Variants in MGAT5 observed in about 807,000 individuals in gnomAD.
The protein encoded by MGAT5 is alpha-1,6-mannosylglycoprotein 6-beta-N-acetylglucosaminyltransferase, also known as alpha-1,6-mannosylglycoprotein 6-beta-N-acetylglucosaminyltransferase A.
Under a neutral mutation model 94.3 loss-of-function variants are expected in MGAT5, and 30 were observed. That is an observed-to-expected ratio of 0.32 (90% CI 0.24 to 0.43). The LOEUF (loss-of-function observed/expected upper bound fraction) is 0.43, where lower values mean the gene tolerates loss of function less well. Ranked by LOEUF, MGAT5 falls within the 20% of genes least tolerant of loss-of-function variation. The probability of loss-of-function intolerance (pLI) is 1.00; values close to 1 mark genes in which losing one functional copy is unlikely to be tolerated. For missense variants in MGAT5, 691 were observed against 905.5 expected (o/e 0.76, Z 3.04); for synonymous variants, 310 against 322.9 (o/e 0.96, Z 0.43).
At position 134,317,531 on chromosome 2, in the gene MGAT5, A is replaced by G. The variant is rs1490889029; in HGVS notation, c.409A>G (p.Ile137Val). 1.3e-6 allele frequency: 2 copies of G among 1,558,130 alleles called. No homozygotes were observed. The highest frequency in any genetic ancestry group is 2.0e-5 in the Admixed American group (1 of 50,292). ...VALEKINVADIINGAQEKCVL... is the reference protein window; with the variant it reads ...VALEKINVADVINGAQEKCVL... ...TTGTTGTTTTTCATTCTTCACAGATATCATTAACGGAGCTCAAGAAAAATG... is the reference window on the plus strand; with the variant it reads ...TTGTTGTTTTTCATTCTTCACAGATGTCATTAACGGAGCTCAAGAAAAATG... The change falls in exon 3 of 16, where the codon ATC becomes GTC. Residue 137 changes from isoleucine to valine, a missense_variant and splice_region_variant. Physicochemically the swap from Ile to Val is conservative, Grantham distance 29 (BLOSUM62 3). Coordinates refer to ENST00000281923, the MANE Select transcript of MGAT5 (RefSeq NM_002410.5).
chr2:134,172,927 A>G lies in MGAT5; in HGVS notation c.-143+52636A>G, dbSNP rs80004761. On this transcript the variant is annotated intron_variant, in intron 1 of 16. Transcript: ENST00000409645. Reference sequence around the variant, plus strand: ...CTTTGAACACACTTTGTCTCTGACAACATCACAGGAGGAAAAACACCCCAG... The same window carrying G: ...CTTTGAACACACTTTGTCTCTGACAGCATCACAGGAGGAAAAACACCCCAG... Among the ~76,000 whole-genome samples the G allele has an allele frequency of 5.9e-5, 9 of 152,318 alleles. No homozygotes were observed. In the East Asian group the frequency reaches 1.7e-3, roughly 29 times the overall value.
intron 1 of MGAT5, among the ~76,000 whole-genome samples, chr2:134,146,678 C>T (rs1470424116): frequency 6.6e-6 from 1 of 152,140 alleles, no homozygotes; most frequent in Non-Finnish European, 1.5e-5. Context: ...GCCTGGGGAA[C>T]CTCCCTAACC....
At chr2:134,236,170 T>G (rs1000341719) in intron 1 of MGAT5, among the ~76,000 whole-genome samples, 1 of 152,212 alleles carries the variant, frequency 6.6e-6, no homozygotes, top group African/African-American at 2.4e-5. Flanking sequence ...CTCTGCGCAG[T>G]GTTCAGAGTT....
chr2:134,214,214 C>G (rs1680346442), intron 1 of MGAT5, among the ~76,000 whole-genome samples: 1 of 151,946 alleles, frequency 6.6e-6, no homozygotes, highest in Non-Finnish European at 1.5e-5. Flanking sequence ...CAAAGAGCTT[C>G]CAAGACCCTT....
At chr2:134,253,621 T>C (rs1176736550), upstream of MGAT5, among the ~76,000 whole-genome samples, 1 of 152,224 alleles carries the variant, frequency 6.6e-6, no homozygotes, top group Non-Finnish European at 1.5e-5. Context: ...TTTCCTCATG[T>C]AGCTGGGAAA....
chr2:134,416,633 C>T (rs1265189525), intron 12 of MGAT5, among the ~76,000 whole-genome samples: 1 of 151,718 alleles, frequency 6.6e-6, no homozygotes, highest in Non-Finnish European at 1.5e-5. Context: ...CACGACACCT[C>T]GCTACTCTTT....
At chr2:134,286,708 G>A (rs967155814) in intron 2 of MGAT5, among the ~76,000 whole-genome samples, 5 of 152,112 alleles carry the variant, frequency 3.3e-5, no homozygotes, top group South Asian at 2.1e-4. Context: ...GTGAGCCACC[G>A]CGCCCAACTG....
At chr2:134,305,249 C>A (rs1057227074) in intron 2 of MGAT5, among the ~76,000 whole-genome samples, 1 of 152,126 alleles carries the variant, frequency 6.6e-6, no homozygotes, top group Non-Finnish European at 1.5e-5. Flanking sequence ...TTATGCGAGA[C>A]GGTGAAAACA....
chr2:134,327,302 G>A (rs1224249135), intron 4 of MGAT5, among the ~76,000 whole-genome samples: 2 of 152,094 alleles, frequency 1.3e-5, no homozygotes, highest in Admixed American at 1.3e-4. Flanking sequence ...CTGAAACTGA[G>A]GGTGGTACCG....
intron 10 of MGAT5, among the ~76,000 whole-genome samples, chr2:134,381,392 AGATAGATAGATAGAT>A (rs1681577120): frequency 8.2e-6 from 1 of 121,850 alleles, no homozygotes; most frequent in African/African-American, 3.3e-5. Flanking sequence ...TTAGATAGAT[AGATAGATAGATAGAT>A]AGATAGATAG....
At chr2:134,348,102 C>T (rs1220788113) in intron 8 of MGAT5, among the ~76,000 whole-genome samples, 2 of 152,118 alleles carry the variant, frequency 1.3e-5, no homozygotes, top group Non-Finnish European at 2.9e-5. Flanking sequence ...CCTTGTACAT[C>T]TTTTTTTAAA....
chr2:134,127,914 C>G (rs1685923243), intron 1 of MGAT5, among the ~76,000 whole-genome samples: 1 of 152,118 alleles, frequency 6.6e-6, no homozygotes. Context: ...GGTCATTATG[C>G]TCTTTCAGAG....
At chr2:134,251,430 G>A (rs943195108), upstream of MGAT5, among the ~76,000 whole-genome samples, 17 of 152,182 alleles carry the variant, frequency 1.1e-4, no homozygotes, top group East Asian at 1.9e-4. Context: ...ATAAAGTGCT[G>A]TAGTGCCCTA....
At chr2:134,159,224 T>TGTGG (rs1259381267) in intron 1 of MGAT5, among the ~76,000 whole-genome samples, 1 of 150,706 alleles carries the variant, frequency 6.6e-6, no homozygotes, top group Non-Finnish European at 1.5e-5. Context: ...TGTGTGTGTG[T>TGTGG]GGTCCCTGTA....
At chr2:134,249,565 G>A (rs1246086376), upstream of MGAT5, among the ~76,000 whole-genome samples, 1 of 152,192 alleles carries the variant, frequency 6.6e-6, no homozygotes, top group Non-Finnish European at 1.5e-5. Context: ...TCATCTATGT[G>A]TAGCATAATC....
At chr2:134,312,948 C>A (rs191093692) in intron 2 of MGAT5, among the ~76,000 whole-genome samples, 5 of 151,896 alleles carry the variant, frequency 3.3e-5, no homozygotes, top group African/African-American at 9.7e-5. Flanking sequence ...CTATTCTCAC[C>A]GTTCCTTTGA....
intron 4 of MGAT5, among the ~76,000 whole-genome samples, chr2:134,328,825 G>C (rs1414041858): frequency 6.6e-6 from 1 of 151,936 alleles, no homozygotes; most frequent in Non-Finnish European, 1.5e-5. Flanking sequence ...AGAGTGGCCA[G>C]GTCAGTGGGT....
Position 134,451,094 on chromosome 2 carries a change from G to C in MGAT5, c.*2247G>C, listed in dbSNP as rs192035868. The C allele has an allele frequency of 7.2e-5, 11 of 152,190 alleles. No individual in the cohort carries two copies. The East Asian group carries it at 2.1e-3, about 30-fold the overall frequency. The allele number at this position is 152,190 out of a possible 1,614,324, so 9.4% of individuals were successfully genotyped here. On this transcript the variant is annotated 3_prime_UTR_variant, in exon 16 of 16. Coordinates refer to ENST00000281923, the MANE Select transcript of MGAT5 (RefSeq NM_002410.5). ...AGGGGGAGCCTGCAGGCCGAGCAAA[G>C]TTTAACCCACTTAGCCACTGCTACT... is the stretch of plus-strand genomic sequence containing the variant.
At chr2:134,334,278 A>G (rs1428407420) in intron 4 of MGAT5, among the ~76,000 whole-genome samples, 1 of 152,112 alleles carries the variant, frequency 6.6e-6, no homozygotes, top group Non-Finnish European at 1.5e-5. Flanking sequence ...ATCACAGTGA[A>G]TCTTGAAAGA....
Sources: allele counts gnomAD v4.1 joint callset (sites outside exome capture counted in the v4.1 genomes callset), GRCh38; gene constraint gnomAD v4.1.1; transcripts MANE v1.5; gene names NCBI Gene and HGNC (gene_info 2026-07-23, HGNC 2026-07-21).